Variants in CSGALNACT2 observed in about 807,000 individuals in gnomAD.
CSGALNACT2 encodes the protein chondroitin sulfate N-acetylgalactosaminyltransferase 2.
Under a neutral mutation model 55.3 loss-of-function variants are expected in CSGALNACT2, and 35 were observed. The ratio of observed to expected loss-of-function variants is 0.63; its 90% CI spans 0.48 to 0.84. The LOEUF is 0.84. CSGALNACT2 is among the 40% of genes least tolerant of loss of function. The pLI is 0.00. For missense variants in CSGALNACT2, 544 were observed against 657.5 expected, an observed-to-expected ratio of 0.83 and a Z score of 1.89; for synonymous variants, 196 against 224.9, an observed-to-expected ratio of 0.87 and a Z score of 1.15.
chr10:43,158,898 C>G lies in CSGALNACT2; in HGVS notation c.845C>G (p.Thr282Ser), dbSNP rs773373136. Reference sequence around the variant, plus strand: ...ATCATTGTGCCACTTGCTGAAAGAACTGAAGCATTTGTACAATTTATGCAG... The same window carrying G: ...ATCATTGTGCCACTTGCTGAAAGAAGTGAAGCATTTGTACAATTTATGCAG... ...INIIVPLAER[T>S]EAFVQFMQNF... The change falls in exon 3 of 8, where the codon ACT becomes AGT. Residue 282 changes from threonine to serine, a missense_variant. Transcript: ENST00000374466. 1 of 1,609,684 alleles carries G rather than the reference C, an allele frequency of 6.2e-7. No individual in the cohort carries two copies. Among genetic ancestry groups the G allele is most frequent in the Non-Finnish European group, 8.5e-7 (1 of 1,176,478 alleles).
intron 6 of CSGALNACT2, among the ~76,000 whole-genome samples, chr10:43,168,294 T>TA (rs1163924112): frequency 6.6e-6 from 1 of 151,700 alleles, no homozygotes; most frequent in Non-Finnish European, 1.5e-5. Context: ...GTATTAAAAA[T>TA]AAAAAAATTA....
intron 1 of CSGALNACT2, among the ~76,000 whole-genome samples, chr10:43,151,453 G>A (rs1838871982): frequency 6.6e-6 from 1 of 152,144 alleles, no homozygotes; most frequent in African/African-American, 2.4e-5. Context: ...GCTCTACCGA[G>A]TGCCCTGGGA....
At chr10:43,159,013 C>T in intron 3 of CSGALNACT2, 82 bp downstream of exon 3, 1 of 765,314 alleles carries the variant, frequency 1.3e-6, no homozygotes, top group Admixed American at 2.3e-5. Context: ...TTTATCTTCA[C>T]CGATTATAAT....
chr10:43,141,577 G>A (rs1361797332), intron 1 of CSGALNACT2, among the ~76,000 whole-genome samples: 1 of 130,368 alleles, frequency 7.7e-6, no homozygotes, highest in Non-Finnish European at 1.5e-5. Context: ...TGTTCAGGCA[G>A]TGGAGGCTGC....
chr10:43,160,445 T>C, intron 3 of CSGALNACT2, 49 bp from the exon 4 acceptor site: 2 of 924,252 alleles, frequency 2.2e-6, no homozygotes, highest in East Asian at 2.4e-5. Context: ...TCTTAATGAA[T>C]AGTGCCTCAT....
At chr10:43,180,846 C>T (rs1259853710) in intron 7 of CSGALNACT2, among the ~76,000 whole-genome samples, 1 of 152,172 alleles carries the variant, frequency 6.6e-6, no homozygotes, top group Non-Finnish European at 1.5e-5. Flanking sequence ...TCAGTCTCCC[C>T]TCCTCTCCTG....
At chr10:43,178,351 G>A (rs1045535438) in intron 7 of CSGALNACT2, among the ~76,000 whole-genome samples, 1 of 152,106 alleles carries the variant, frequency 6.6e-6, no homozygotes, top group African/African-American at 2.4e-5. Context: ...GGCCAGGCAC[G>A]GTGGCTCACG....
At chr10:43,143,946 T>C (rs1443877378) in intron 1 of CSGALNACT2, among the ~76,000 whole-genome samples, 1 of 152,218 alleles carries the variant, frequency 6.6e-6, no homozygotes, top group African/African-American at 2.4e-5. Flanking sequence ...GTAATACTTA[T>C]CAAGTAATCA....
At chr10:43,180,848 C>T (rs987129547) in intron 7 of CSGALNACT2, among the ~76,000 whole-genome samples, 6 of 152,180 alleles carry the variant, frequency 3.9e-5, no homozygotes, top group South Asian at 4.1e-4. Flanking sequence ...AGTCTCCCCT[C>T]CTCTCCTGGA....
At chr10:43,139,554 C>A (rs906668605) in intron 1 of CSGALNACT2, among the ~76,000 whole-genome samples, 2 of 152,188 alleles carry the variant, frequency 1.3e-5, no homozygotes, top group South Asian at 4.1e-4. Context: ...TTGTACAGCT[C>A]AATGAATTTT....
rs77538976 is a variant in CSGALNACT2 at position 43,138,822 on chromosome 10, C to T, written c.-254+255C>T. Among the ~76,000 whole-genome samples the T allele has an allele frequency of 8.4e-3, 1,280 of 152,318 alleles. 53 individuals are homozygous for T. In the East Asian group the frequency reaches 0.096, roughly 11 times the overall value. On this transcript the variant is annotated intron_variant, in intron 1 of 7. Transcript: ENST00000374466. ...TTGTTTCGTTTTGTTTTTACCTATT[C>T]ATCACCATCTCTGCTCCTCTCAGTG...
At chr10:43,163,459 C>A in intron 4 of CSGALNACT2, 1 of 948,986 alleles carries the variant, frequency 1.1e-6, no homozygotes, top group Non-Finnish European at 1.3e-6. Flanking sequence ...GGGAGGATCC[C>A]TCTGATAAGG....
chr10:43,159,419 C>G (rs1839096348), intron 3 of CSGALNACT2, among the ~76,000 whole-genome samples: 1 of 152,112 alleles, frequency 6.6e-6, no homozygotes, highest in South Asian at 2.1e-4. Context: ...CTGCCTCAAC[C>G]TCCCAAGTAG....
At chr10:43,147,404 A>G (rs1031996394) in intron 1 of CSGALNACT2, among the ~76,000 whole-genome samples, 1 of 152,220 alleles carries the variant, frequency 6.6e-6, no homozygotes, top group Non-Finnish European at 1.5e-5. Flanking sequence ...TATAAGACGC[A>G]TGCTTTGCCC....
Position 43,158,875 on chromosome 10 carries a change from C to G in CSGALNACT2, c.822C>G (p.Ile274Met). The G allele has an allele frequency of 6.2e-7, 1 of 1,612,176 alleles. No individual in the cohort carries two copies. The highest frequency in any genetic ancestry group is 8.5e-7 in the Non-Finnish European group (1 of 1,178,534). The change falls in exon 3 of 8, where the codon ATC becomes ATG. Residue 274 changes from isoleucine (I) to methionine (M), a missense_variant. Transcript: ENST00000374466. ...ACATCACTAGATCAATTATTAATAT[C>G]ATTGTGCCACTTGCTGAAAGAACTG... ...MIDITRSIIN[I>M]IVPLAERTEA...
At chr10:43,143,489 A>C (rs904830247) in intron 1 of CSGALNACT2, among the ~76,000 whole-genome samples, 1 of 132,448 alleles carries the variant, frequency 7.6e-6, no homozygotes, top group African/African-American at 3.0e-5. Flanking sequence ...TTTGCTCTCC[A>C]AAAATGTGTG....
At chr10:43,151,094 A>T (rs75316571) in intron 1 of CSGALNACT2, among the ~76,000 whole-genome samples, 6,670 of 152,292 alleles carry the variant, frequency 0.044, 179 homozygotes, top group South Asian at 0.089. Context: ...GAACATAAAC[A>T]TCATTTTAAA....
At position 43,155,430 on chromosome 10, in the gene CSGALNACT2, G is replaced by A. The variant is rs150048164; in HGVS notation, c.281G>A (p.Arg94Gln). ...TTACAAGAAATGAGTGAGAAGATGC[G>A]GTCACTGCAAGAAAGAAGGAATGTA... The part of the protein sequence containing the change: ...QELQEMSEKM[R>Q]SLQERRNVGA... Residue 94 changes from arginine (R) to glutamine (Q), a missense_variant, in exon 2 of 8, where the codon CGG becomes CAG. Around this residue, in one of 2 missense-constraint regions of CSGALNACT2, gnomAD observed 374 missense variants for 401.3 expected, o/e 0.93. Transcript: ENST00000374466. The A allele has an allele frequency of 1.7e-5, 28 of 1,613,978 alleles. No homozygotes were observed. Among genetic ancestry groups the A allele is most frequent in the Non-Finnish European group, 1.9e-5 (23 of 1,180,040 alleles).
At chr10:43,151,132 T>C (rs1017822133) in intron 1 of CSGALNACT2, among the ~76,000 whole-genome samples, 8 of 152,202 alleles carry the variant, frequency 5.3e-5, no homozygotes, top group Non-Finnish European at 8.8e-5. Flanking sequence ...TGTTTTGGTG[T>C]CCTTTTTCTG....
Sources: allele counts gnomAD v4.1 joint callset (sites outside exome capture counted in the v4.1 genomes callset), GRCh38; gene constraint gnomAD v4.1.1; regional missense constraint gnomAD v4.1.1; transcripts MANE v1.5; gene names NCBI Gene and HGNC (gene_info 2026-07-23, HGNC 2026-07-21).